Variants in PDILT observed in about 807,000 individuals in gnomAD.
PDILT encodes protein disulfide isomerase like, testis expressed, also known as protein disulfide-isomerase-like protein of the testis.
PDILT carries 43 observed loss-of-function variants against 53.7 expected under a neutral mutation model. That is an observed-to-expected ratio of 0.80 (90% confidence interval 0.63 to 1.03). The LOEUF is 1.03. Among genes scored for constraint, PDILT ranks in the 50% least tolerant of loss-of-function variants. The pLI is 0.00. For missense variants in PDILT, 727 were observed against 712.3 expected (o/e 1.02, Z -0.24); for synonymous variants, 282 against 274.2 (o/e 1.03, Z -0.28).
At chr16:20,382,740 A>T (rs1966477740) in intron 3 of PDILT, among the ~76,000 whole-genome samples, 3 of 152,214 alleles carry the variant, frequency 2.0e-5, no homozygotes, top group African/African-American at 7.2e-5. Context: ...GTAGAGGGGT[A>T]GATCTTTTCA....
At chr16:20,364,290 A>G (rs923204284) in intron 9 of PDILT, among the ~76,000 whole-genome samples, 1 of 152,248 alleles carries the variant, frequency 6.6e-6, no homozygotes, top group Non-Finnish European at 1.5e-5. Flanking sequence ...TGATTCAGCC[A>G]CAGACCTTAA....
chr16:20,389,868 G>A (rs1291644837), intron 2 of PDILT, among the ~76,000 whole-genome samples: 4 of 152,108 alleles, frequency 2.6e-5, no homozygotes, highest in Admixed American at 1.3e-4. Context: ...TAGACCAGTG[G>A]TTCTCAATGT....
chr16:20,366,085 G>A lies in PDILT; in HGVS notation c.1117-545C>T, dbSNP rs11861480. On this transcript the variant is annotated intron_variant, in intron 8 of 11. Coordinates refer to ENST00000302451, the MANE Select transcript of PDILT (RefSeq NM_174924.2). ...AGGCTGGTTGACAGAGCAAGATTTCGTCTCCAAAAAAAAAAAAAAAAAAAA... is the reference window on the plus strand; with the variant it reads ...AGGCTGGTTGACAGAGCAAGATTTCATCTCCAAAAAAAAAAAAAAAAAAAA... Among the ~76,000 whole-genome samples the A allele has an allele frequency of 8.5e-3, 1,028 of 120,360 alleles. 22 individuals are homozygous for A. The highest frequency in any genetic ancestry group is 0.034 in the African/African-American group (991 of 29,518). 79.0% of individuals were successfully genotyped at this position (120,360 alleles called of 152,430 possible). A position where few individuals can be genotyped will look rare whatever the true frequency, so the allele number is the denominator to read the frequency against.
chr16:20,379,340 A>T (rs1429914289), intron 3 of PDILT, among the ~76,000 whole-genome samples: 1 of 151,876 alleles, frequency 6.6e-6, no homozygotes, highest in Non-Finnish European at 1.5e-5. Context: ...CACCCCACTA[A>T]TTTTTTAGTA....
intron 2 of PDILT, among the ~76,000 whole-genome samples, 155 bp from the exon 3 acceptor site, chr16:20,385,006 A>T (rs1020285616): frequency 6.6e-6 from 1 of 152,196 alleles, no homozygotes; most frequent in Non-Finnish European, 1.5e-5. Context: ...GTGAGACACA[A>T]TGGTTCATGA....
chr16:20,380,666 C>A (rs758845531), intron 3 of PDILT, among the ~76,000 whole-genome samples: 3 of 152,186 alleles, frequency 2.0e-5, no homozygotes, highest in African/African-American at 7.2e-5. Flanking sequence ...TTGAGTCTAT[C>A]CCTTCTTGAA....
chr16:20,362,995 C>T (rs953180378), intron 9 of PDILT, among the ~76,000 whole-genome samples: 1 of 139,590 alleles, frequency 7.2e-6, no homozygotes, highest in Non-Finnish European at 1.5e-5. Flanking sequence ...TTGCTTGAAC[C>T]CGGGAGGTGG....
At chr16:20,386,183 T>A (rs1226810383) in intron 2 of PDILT, among the ~76,000 whole-genome samples, 1 of 152,038 alleles carries the variant, frequency 6.6e-6, no homozygotes, top group African/African-American at 2.4e-5. Flanking sequence ...GAAGCCCTTT[T>A]CTGGAAGCGG....
intron 2 of PDILT, among the ~76,000 whole-genome samples, chr16:20,398,769 G>A (rs1567332757): frequency 1.3e-5 from 2 of 152,196 alleles, no homozygotes; most frequent in African/African-American, 4.8e-5. Context: ...GTGTCATTAG[G>A]TTCACACCCA....
intron 7 of PDILT, among the ~76,000 whole-genome samples, chr16:20,370,878 G>A (rs1966296933): frequency 6.6e-6 from 1 of 152,292 alleles, no homozygotes; most frequent in Non-Finnish European, 1.5e-5. Context: ...AAATGCCATG[G>A]CAATGTCAGG....
chr16:20,368,970 A>G (rs775113702), intron 8 of PDILT, among the ~76,000 whole-genome samples: 4 of 152,200 alleles, frequency 2.6e-5, no homozygotes, highest in Non-Finnish European at 5.9e-5. Flanking sequence ...CTGTGGAGAC[A>G]TAGACAGTGG....
chr16:20,374,530 AGATG>A (rs1263367618), intron 5 of PDILT, among the ~76,000 whole-genome samples: 1 of 152,232 alleles, frequency 6.6e-6, no homozygotes, highest in African/African-American at 2.4e-5. Flanking sequence ...TGTATAGCAT[AGATG>A]GTAATTGCTG....
chr16:20,387,722 G>A (rs572555347), intron 2 of PDILT, among the ~76,000 whole-genome samples: 4 of 152,068 alleles, frequency 2.6e-5, no homozygotes, highest in African/African-American at 9.6e-5. Flanking sequence ...CCGGGTTCAA[G>A]TGATTCTCCT....
At chr16:20,368,650 G>A (rs910404395) in intron 8 of PDILT, among the ~76,000 whole-genome samples, 1 of 152,126 alleles carries the variant, frequency 6.6e-6, no homozygotes, top group Non-Finnish European at 1.5e-5. Flanking sequence ...AGGCTGGAGT[G>A]CAGTGGTGTG....
At chr16:20,385,055 G>T (rs183163669) in intron 2 of PDILT, among the ~76,000 whole-genome samples, 4 of 152,278 alleles carry the variant, frequency 2.6e-5, no homozygotes, top group Non-Finnish European at 4.4e-5. Flanking sequence ...AGGTTCTTTG[G>T]ATTCAGTAGC....
chr16:20,384,694 C>G lies in PDILT; in HGVS notation c.360G>C (p.Glu120Asp). 6.2e-7 allele frequency: 1 copy of G among 1,614,224 alleles called. No homozygotes were observed. The highest frequency in any genetic ancestry group is 8.5e-7 in the Non-Finnish European group (1 of 1,180,036). The change falls in exon 3 of 12, where the codon GAG becomes GAC. Residue 120 changes from glutamate to aspartate, a missense_variant. Glu to Asp is a conservative substitution (Grantham distance 45). Coordinates refer to ENST00000302451, the MANE Select transcript of PDILT (RefSeq NM_174924.2). ...TGTTGCCCTCAAAAAACAGCTTCAACTCCGGGGCCTTGGTAATCCCAAACT... is the reference window on the plus strand; with the variant it reads ...TGTTGCCCTCAAAAAACAGCTTCAAGTCCGGGGCCTTGGTAATCCCAAACT... ...QQEFGITKAP[E>D]LKLFFEGNRS...
intron 3 of PDILT, among the ~76,000 whole-genome samples, chr16:20,376,951 A>G (rs975743549): frequency 6.6e-6 from 1 of 152,236 alleles, no homozygotes; most frequent in Non-Finnish European, 1.5e-5. Context: ...AAAATATTAT[A>G]TATTTGTATC....
intron 8 of PDILT, among the ~76,000 whole-genome samples, chr16:20,367,426 A>G (rs1018399146): frequency 6.6e-6 from 1 of 152,130 alleles, no homozygotes; most frequent in African/African-American, 2.4e-5. Flanking sequence ...GGGAGCACAC[A>G]TGGGGTGGCC....
intron 7 of PDILT, among the ~76,000 whole-genome samples, chr16:20,371,762 G>A (rs2141712404): frequency 6.6e-6 from 1 of 152,054 alleles, no homozygotes; most frequent in South Asian, 2.1e-4. Context: ...CTGTAAAATA[G>A]GAGAAACAGA....
Sources: gnomAD v4.1 joint callset for allele counts (sites outside exome capture counted in the v4.1 genomes callset) on GRCh38, gnomAD v4.1.1 for gene constraint, MANE v1.5 for transcripts, NCBI Gene and HGNC (gene_info 2026-07-23, HGNC 2026-07-21) for gene names.